SCMH1: variants seen among roughly 807,000 people sequenced by gnomAD.
SCMH1 encodes polycomb protein SCMH1.
SCMH1 carries 37 observed loss-of-function variants against 70.8 expected under a neutral mutation model. The observed-to-expected ratio is 0.52, with a 90% confidence interval of 0.40 to 0.69. The LOEUF (loss-of-function observed/expected upper bound fraction) is 0.69, where lower values mean the gene tolerates loss of function less well. Ranked by LOEUF, SCMH1 falls within the 30% of genes least tolerant of loss-of-function variation. The probability of loss-of-function intolerance (pLI) is 0.00; values close to 1 mark genes in which losing one functional copy is unlikely to be tolerated. For missense variants in SCMH1, 607 were observed against 827.3 expected (o/e 0.73, Z 3.27); for synonymous variants, 292 against 307.4 (o/e 0.95, Z 0.52).
intron 1 of SCMH1, among the ~76,000 whole-genome samples, chr1:41,229,623 G>T (rs966823654): frequency 4.6e-5 from 7 of 152,034 alleles, no homozygotes; most frequent in African/African-American, 1.7e-4. Flanking sequence ...ATAGCATTAG[G>T]AGAAATACCT....
At chr1:41,129,687 T>G (rs1674137482) in intron 6 of SCMH1, among the ~76,000 whole-genome samples, 1 of 152,210 alleles carries the variant, frequency 6.6e-6, no homozygotes, top group Non-Finnish European at 1.5e-5. Flanking sequence ...TTGTGACTAA[T>G]GCTGCTAAAC....
At chr1:41,130,951 T>G (rs1025789210) in intron 6 of SCMH1, among the ~76,000 whole-genome samples, 2 of 152,198 alleles carry the variant, frequency 1.3e-5, no homozygotes, top group African/African-American at 4.8e-5. Flanking sequence ...TTCTTTTGTT[T>G]TTTTGTGCTT....
chr1:41,151,714 G>A, intron 4 of SCMH1, 30 bp from the exon 5 acceptor site: 1 of 1,514,210 alleles, frequency 6.6e-7, no homozygotes, highest in African/African-American at 1.4e-5. Context: ...CTATATCACA[G>A]TCAACTTCCT....
In SCMH1 at chr1:41,135,299, G is replaced by C. The variant is rs1404342486; in HGVS notation, c.412+7579C>G. 2.6e-5 allele frequency among the ~76,000 whole-genome samples: 4 copies of C among 152,062 alleles called. No individual in the cohort carries two copies. The East Asian group carries it at 5.8e-4, about 22-fold the overall frequency. On this transcript the variant is annotated intron_variant, in intron 6 of 14. Transcript: ENST00000337495. ...ATCAGGCCTTACATGCTTTAGCTGT[G>C]TCCCCACCCAAATCCTCATCTTGAA...
At chr1:41,105,877 G>GTT (rs200132114) in intron 8 of SCMH1, among the ~76,000 whole-genome samples, 25 of 142,720 alleles carry the variant, frequency 1.8e-4, no homozygotes, top group Non-Finnish European at 2.8e-4. Context: ...CCATTTGATA[G>GTT]TTTTTTTTTT....
chr1:41,175,925 T>G (rs952579427), intron 2 of SCMH1, among the ~76,000 whole-genome samples: 17 of 151,912 alleles, frequency 1.1e-4, no homozygotes, highest in African/African-American at 3.6e-4. Context: ...GTTTAAAAAT[T>G]TTCATAATTA....
At chr1:41,079,771 G>A (rs1034676861) in intron 8 of SCMH1, among the ~76,000 whole-genome samples, 3 of 152,242 alleles carry the variant, frequency 2.0e-5, no homozygotes, top group South Asian at 2.1e-4. Flanking sequence ...AGCCCAGGTC[G>A]AGGTTGCAGT....
chr1:41,113,562 A>T lies in SCMH1; in HGVS notation c.502-36T>A, dbSNP rs1415707575. The T allele has an allele frequency of 4.4e-6, 7 of 1,580,164 alleles. No individual in the cohort carries two copies. The highest frequency in any genetic ancestry group is 6.0e-6 in the Non-Finnish European group (7 of 1,164,946). On this transcript the variant is annotated intron_variant, in intron 7 of 14. Coordinates refer to ENST00000337495, the Ensembl canonical transcript of SCMH1. The surrounding 1 kb of genome is among the most constrained non-coding windows in gnomAD (Gnocchi z 4.3). ...AACAGAAACATACACACCTAGACAC[A>T]AAGAGAGGCCATTATGCCAATAGAC...
intron 13 of SCMH1, among the ~76,000 whole-genome samples, chr1:41,031,754 G>A (rs1644556622): frequency 6.6e-6 from 1 of 152,188 alleles, no homozygotes. Context: ...ATGCAAGAAT[G>A]TGTCTTTCTT....
intron 10 of SCMH1, among the ~76,000 whole-genome samples, chr1:41,062,885 C>T (rs1228330874): frequency 6.8e-6 from 1 of 146,002 alleles, no homozygotes; most frequent in East Asian, 2.0e-4. Context: ...CACCATTGCA[C>T]TCCAGCCTGG....
At chr1:41,185,858 C>T (rs1650060534) in intron 2 of SCMH1, 1 of 247,172 alleles carries the variant, frequency 4.0e-6, no homozygotes, top group Non-Finnish European at 8.0e-6. Flanking sequence ...CTCCTGACTT[C>T]AGGTGATCCG....
At chr1:41,134,830 T>G (rs1043306062) in intron 6 of SCMH1, among the ~76,000 whole-genome samples, 8 of 152,204 alleles carry the variant, frequency 5.3e-5, no homozygotes, top group Admixed American at 2.0e-4. Flanking sequence ...AAGTAAAATG[T>G]TGGCTTTAGT....
intron 8 of SCMH1, among the ~76,000 whole-genome samples, chr1:41,078,385 G>C (rs1293866433): frequency 1.3e-5 from 2 of 152,094 alleles, no homozygotes; most frequent in African/African-American, 2.4e-5. Context: ...TCAACCCACA[G>C]ATTCAGGATG....
intron 5 of SCMH1, among the ~76,000 whole-genome samples, chr1:41,144,818 T>C (rs569189771): frequency 3.3e-5 from 5 of 152,342 alleles, no homozygotes; most frequent in South Asian, 2.1e-4. Flanking sequence ...GTATATCTCA[T>C]TGCAGTTTTG....
chr1:41,143,770 C>G (rs1261340322), intron 5 of SCMH1, among the ~76,000 whole-genome samples: 1 of 152,214 alleles, frequency 6.6e-6, no homozygotes, highest in Non-Finnish European at 1.5e-5. Context: ...CCTCTGCACC[C>G]AGGCAACCAA....
intron 8 of SCMH1, among the ~76,000 whole-genome samples, chr1:41,077,585 C>T (rs916359585): frequency 6.6e-6 from 1 of 152,000 alleles, no homozygotes; most frequent in East Asian, 1.9e-4. Flanking sequence ...AAAACTAAGC[C>T]CCAGACCTCT....
At chr1:41,200,499 AATAATAATAATAATAAT>A (rs1368431377) in intron 1 of SCMH1, among the ~76,000 whole-genome samples, 22 of 107,554 alleles carry the variant, frequency 2.0e-4, no homozygotes, top group Non-Finnish European at 4.1e-4. Context: ...AAATAAATGT[AATAATAATAATAATAAT>A]ATAATAATAA....
intron 6 of SCMH1, among the ~76,000 whole-genome samples, chr1:41,133,421 A>G (rs922102185): frequency 6.6e-5 from 10 of 152,226 alleles, no homozygotes; most frequent in African/African-American, 1.9e-4. Flanking sequence ...GCAGAAGACA[A>G]GAAATAACTA....
intron 10 of SCMH1, among the ~76,000 whole-genome samples, chr1:41,059,521 AT>A (rs1339192774): frequency 6.6e-6 from 1 of 152,032 alleles, no homozygotes; most frequent in East Asian, 1.9e-4. Flanking sequence ...CCAGCTCCCC[AT>A]CCATCCCACT....
Sources: gnomAD v4.1 joint callset for allele counts (sites outside exome capture counted in the v4.1 genomes callset) on GRCh38, gnomAD v4.1.1 for gene constraint, Gnocchi (gnomAD v3.1) non-coding constraint, MANE v1.5 for transcripts, NCBI Gene and HGNC (gene_info 2026-07-23, HGNC 2026-07-21) for gene names.